Variants in PTPRD observed in about 807,000 individuals in gnomAD.
PTPRD encodes the protein protein tyrosine phosphatase receptor type D.
Under a neutral mutation model 214.5 loss-of-function variants are expected in PTPRD, and 34 were observed. The ratio of observed to expected loss-of-function variants is 0.16; its 90% CI spans 0.12 to 0.21. The LOEUF is 0.21. Among genes scored for constraint, PTPRD ranks in the 10% least tolerant of loss-of-function variants. The pLI is 1.00. For missense variants in PTPRD, 2,545 were observed against 2,398.7 expected, an observed-to-expected ratio of 1.06 and a Z score of -1.27; for synonymous variants, 1,128 against 845.7, an observed-to-expected ratio of 1.33 and a Z score of -5.79.
intron 8 of PTPRD, among the ~76,000 whole-genome samples, chr9:9,546,110 T>C (rs1458111262): frequency 1.3e-5 from 2 of 151,754 alleles, no homozygotes; most frequent in Non-Finnish European, 1.5e-5. Context: ...TATAGAAATA[T>C]ATAGCAGTTT....
At chr9:10,141,098 C>T (rs1275433510) in intron 3 of PTPRD, among the ~76,000 whole-genome samples, 4 of 152,034 alleles carry the variant, frequency 2.6e-5, no homozygotes, top group Non-Finnish European at 5.9e-5. Flanking sequence ...TGGGACGTAT[C>T]TCAAAATAAT....
At chr9:9,787,800 G>C (rs1363083992) in intron 5 of PTPRD, among the ~76,000 whole-genome samples, 1 of 129,780 alleles carries the variant, frequency 7.7e-6, no homozygotes, top group Non-Finnish European at 1.7e-5. Flanking sequence ...ATTATTATTT[G>C]AGACAGTGTC....
chr9:10,465,690 C>G (rs927780251), intron 2 of PTPRD, among the ~76,000 whole-genome samples: 3 of 152,272 alleles, frequency 2.0e-5, no homozygotes, highest in Middle Eastern at 3.4e-3. Flanking sequence ...CTCAGTACAG[C>G]AACATGCTGT....
chr9:9,657,910 G>T (rs983274017), intron 7 of PTPRD, among the ~76,000 whole-genome samples: 1 of 152,170 alleles, frequency 6.6e-6, no homozygotes, highest in Non-Finnish European at 1.5e-5. Flanking sequence ...CCGACCTAAA[G>T]AGAGGATGGG....
At chr9:9,341,128 A>G (rs1008753230) in intron 9 of PTPRD, among the ~76,000 whole-genome samples, 2 of 151,332 alleles carry the variant, frequency 1.3e-5, no homozygotes, top group Non-Finnish European at 3.0e-5. Flanking sequence ...TTATGTGTAT[A>G]TATATATATA....
chr9:8,327,373 A>G (rs1226366750), intron 44 of PTPRD, among the ~76,000 whole-genome samples: 16 of 151,302 alleles, frequency 1.1e-4, no homozygotes, highest in African/African-American at 3.9e-4. Flanking sequence ...TTGAGTTCTA[A>G]TTTGATTGCA....
intron 7 of PTPRD, among the ~76,000 whole-genome samples, chr9:9,625,422 T>C (rs994607232): frequency 1.3e-5 from 2 of 152,170 alleles, no homozygotes; most frequent in Admixed American, 6.5e-5. Context: ...ACTGTATTAA[T>C]AGCACCAGCG....
intron 10 of PTPRD, among the ~76,000 whole-genome samples, chr9:9,077,409 A>T (rs887071056): frequency 8.5e-6 from 1 of 118,006 alleles, no homozygotes; most frequent in Admixed American, 8.5e-5. Flanking sequence ...AGCTTAATGG[A>T]TCTATTTCCT....
intron 9 of PTPRD, among the ~76,000 whole-genome samples, chr9:9,343,106 C>A (rs1387547705): frequency 6.6e-6 from 1 of 152,132 alleles, no homozygotes; most frequent in Non-Finnish European, 1.5e-5. Flanking sequence ...TGTATATGTG[C>A]CACATTTTCT....
chr9:10,439,225 G>A (rs768907506), intron 2 of PTPRD, among the ~76,000 whole-genome samples: 10 of 147,944 alleles, frequency 6.8e-5, no homozygotes, highest in South Asian at 4.4e-4. Context: ...TGTCACTCAC[G>A]CGTTTGAGAG....
chr9:9,096,813 A>G (rs10977486), intron 10 of PTPRD, among the ~76,000 whole-genome samples: 21,565 of 152,200 alleles, frequency 0.14, 1,785 homozygotes, highest in East Asian at 0.23. Context: ...TGGAGGCTTC[A>G]TGAATGAGGC....
intron 35 of PTPRD, among the ~76,000 whole-genome samples, chr9:8,435,071 T>C (rs1014394188): frequency 1.3e-5 from 2 of 152,182 alleles, no homozygotes; most frequent in Non-Finnish European, 2.9e-5. Flanking sequence ...AATCTTTGCA[T>C]CCTATCAAAT....
intron 8 of PTPRD, among the ~76,000 whole-genome samples, chr9:9,470,556 A>G (rs527361821): frequency 6.6e-6 from 1 of 152,202 alleles, no homozygotes; most frequent in Admixed American, 6.5e-5. Flanking sequence ...AACAGTATAC[A>G]CTTAGTAAAA....
intron 43 of PTPRD, among the ~76,000 whole-genome samples, chr9:8,333,284 T>C (rs953323530): frequency 2.0e-5 from 3 of 152,166 alleles, no homozygotes; most frequent in Non-Finnish European, 4.4e-5. Context: ...TTTATTCTCC[T>C]CTGAATGTCC....
chr9:9,840,321 T>C (rs974652777), intron 5 of PTPRD, among the ~76,000 whole-genome samples: 4 of 152,176 alleles, frequency 2.6e-5, no homozygotes, highest in African/African-American at 9.6e-5. Flanking sequence ...TTTTTTCTAG[T>C]ATATTACTTT....
chr9:9,785,295 T>G (rs1330931169), intron 5 of PTPRD, among the ~76,000 whole-genome samples: 2 of 152,030 alleles, frequency 1.3e-5, no homozygotes, highest in Admixed American at 6.5e-5. Flanking sequence ...AGCAGGATAT[T>G]TGCATAATCT....
At position 9,826,984 on chromosome 9, in the gene PTPRD, C is replaced by T. The variant is rs559573155; in HGVS notation, c.-367-60133G>A. Among the ~76,000 whole-genome samples, 4 of 152,150 alleles carry T rather than the reference C, an allele frequency of 2.6e-5. No homozygotes were observed. The South Asian group carries it at 8.3e-4, about 32-fold the overall frequency. On this transcript the variant is annotated intron_variant, in intron 5 of 45. Transcript: ENST00000381196. ...CCTCTTCAAGGAGAACTACAAATCA[C>T]TGCTCAATGAAATAAATGAGGATAC...
intron 2 of PTPRD, among the ~76,000 whole-genome samples, chr9:10,360,700 G>C (rs960498550): frequency 6.6e-6 from 1 of 152,066 alleles, no homozygotes; most frequent in African/African-American, 2.4e-5. Context: ...TATTTAGCAC[G>C]GTTTTTAATC....
At chr9:8,333,970 C>T (rs959089386) in intron 43 of PTPRD, among the ~76,000 whole-genome samples, 7 of 151,912 alleles carry the variant, frequency 4.6e-5, no homozygotes, top group African/African-American at 7.2e-5. Context: ...GATCAATGAA[C>T]GAAGAAGAGT....
Sources: gnomAD v4.1 joint callset for allele counts (sites outside exome capture counted in the v4.1 genomes callset) on GRCh38, gnomAD v4.1.1 for gene constraint, MANE v1.5 for transcripts, NCBI Gene and HGNC (gene_info 2026-07-23, HGNC 2026-07-21) for gene names.